CAMK2G: variants seen among roughly 807,000 people sequenced by gnomAD.
The protein encoded by CAMK2G is calcium/calmodulin dependent protein kinase II gamma.
CAMK2G carries 23 observed loss-of-function variants against 88.7 expected under a neutral mutation model. The observed-to-expected ratio is 0.26, with a 90% CI of 0.19 to 0.37. The LOEUF (loss-of-function observed/expected upper bound fraction) is 0.37. CAMK2G is among the 10% of genes least tolerant of loss of function. CAMK2G has a pLI of 1.00. For missense variants in CAMK2G, 476 were observed against 780.8 expected (o/e 0.61, Z 4.65); for synonymous variants, 263 against 294.8 (o/e 0.89, Z 1.11).
chr10:73,843,125 T>G (rs555327586), intron 10 of CAMK2G, among the ~76,000 whole-genome samples: 2 of 151,500 alleles, frequency 1.3e-5, no homozygotes, highest in East Asian at 3.9e-4. Flanking sequence ...CAGGCTGGAG[T>G]GCAGTGGTGC....
intron 2 of CAMK2G, among the ~76,000 whole-genome samples, chr10:73,867,455 T>A (rs1344484069): frequency 6.6e-6 from 1 of 152,176 alleles, no homozygotes; most frequent in Non-Finnish European, 1.5e-5. Context: ...TTGGTGACAT[T>A]TCCTTCATGG....
intron 14 of CAMK2G, among the ~76,000 whole-genome samples, chr10:73,833,909 GTTTT>G (rs778838628): frequency 3.8e-4 from 24 of 63,414 alleles, no homozygotes; most frequent in African/African-American, 1.2e-3. Flanking sequence ...TATCTACTGG[GTTTT>G]TTTTTTTTTT....
rs746089046 is a variant in CAMK2G at position 73,866,908 on chromosome 10, C to T, written c.161-6019G>A. On this transcript the variant is annotated intron_variant, in intron 2 of 22. Coordinates refer to ENST00000423381, the MANE Select transcript of CAMK2G (RefSeq NM_001367534.1). ...TGGGAATCCCAAGCCACGATCCCAC[C>T]GACCTCACCCTGACACTGTGATGCC... Among the ~76,000 whole-genome samples, 11 of 152,342 alleles carry T rather than the reference C, an allele frequency of 7.2e-5. No individual in the cohort carries two copies. The South Asian group carries it at 1.2e-3, about 17-fold the overall frequency.
intron 18 of CAMK2G, 55 bp downstream of exon 18, chr10:73,821,627 C>T: frequency 7.2e-7 from 1 of 1,389,602 alleles, no homozygotes; most frequent in Non-Finnish European, 1.0e-6. Flanking sequence ...CCCATTGGAG[C>T]CCAGGTACCT....
Position 73,828,083 on chromosome 10 carries a change from G to C in CAMK2G, c.1086+6C>G. On this transcript the variant is annotated splice_donor_region_variant and intron_variant, in intron 15 of 22. Coordinates refer to ENST00000423381, the MANE Select transcript of CAMK2G (RefSeq NM_001367534.1). ...AGTGGGCGATGGGTGGGCAGGCAAG[G>C]CTCACCATTAGGTGCACGCTGGAAC... 1 of 1,612,654 alleles carries C rather than the reference G, an allele frequency of 6.2e-7. No homozygotes were observed.
chr10:73,818,134 G>C (rs970600793), intron 19 of CAMK2G: 3 of 165,610 alleles, frequency 1.8e-5, no homozygotes, highest in Non-Finnish European at 2.7e-5. Context: ...AACTCCACAG[G>C]GCTTTTCTGG....
chr10:73,817,373 G>T, intron 20 of CAMK2G, 106 bp downstream of exon 20: 1 of 899,884 alleles, frequency 1.1e-6, no homozygotes, highest in Non-Finnish European at 1.8e-6. Flanking sequence ...CAGATACTTT[G>T]CCCAAGGTCC....
chr10:73,817,402 G>T, intron 20 of CAMK2G, 77 bp downstream of exon 20: 3 of 1,063,984 alleles, frequency 2.8e-6, no homozygotes, highest in Non-Finnish European at 2.9e-6. Context: ...TTTCCCCAGG[G>T]TCCTAATTGT....
intron 3 of CAMK2G, 23 bp downstream of exon 3, chr10:73,860,807 A>G: frequency 6.3e-7 from 1 of 1,583,972 alleles, no homozygotes; most frequent in Non-Finnish European, 8.7e-7. Flanking sequence ...TACCCACAAA[A>G]TGCTCCATGC....
chr10:73,874,323 C>CG (rs1338254666), intron 1 of CAMK2G, 74 bp downstream of exon 1: 3 of 819,866 alleles, frequency 3.7e-6, no homozygotes, highest in Non-Finnish European at 3.0e-6. Flanking sequence ...GGTGCAGGGC[C>CG]GGGGGGCGGG....
intron 20 of CAMK2G, 80 bp from the exon 21 acceptor site, chr10:73,817,197 C>T: frequency 6.5e-7 from 1 of 1,528,298 alleles, no homozygotes; most frequent in Non-Finnish European, 8.7e-7. Context: ...GGTGTCTATC[C>T]AGTAGCAGCA....
chr10:73,863,317 C>T (rs2095460347), intron 2 of CAMK2G, among the ~76,000 whole-genome samples: 1 of 152,218 alleles, frequency 6.6e-6, no homozygotes, highest in East Asian at 1.9e-4. Flanking sequence ...ACCTGGCATC[C>T]CTTGGTCCCA....
In CAMK2G at chr10:73,814,318, C is replaced by T. The variant is rs2084769326; in HGVS notation, c.*200G>A. 7.1e-6 allele frequency: 1 copy of T among 141,630 alleles called. No individual in the cohort carries two copies. Among genetic ancestry groups the T allele is most frequent in the Admixed American group, 7.1e-5 (1 of 14,096 alleles). 8.8% of individuals were successfully genotyped at this position (141,630 alleles called of 1,614,324 possible). On this transcript the variant is annotated 3_prime_UTR_variant, in exon 23 of 23. Coordinates refer to ENST00000423381, the MANE Select transcript of CAMK2G (RefSeq NM_001367534.1). ...TTTTTTTCTTAAATGTAAAAAACAC[C>T]TCGGTACAGCAGAGACAGACACGAA...
rs1289698401 is a variant in CAMK2G, at chr10:73,820,477, T to C, written c.1250-832A>G. On this transcript the variant is annotated intron_variant, in intron 18 of 22. Transcript: ENST00000423381. ...TGGGTTTTATATTTATATATATATA[T>C]ATATATATATATATATTTTTTTTTT... is the stretch of plus-strand genomic sequence containing the variant. Among the ~76,000 whole-genome samples the C allele has an allele frequency of 3.2e-4, 10 of 31,234 alleles. 1 individual carries two copies. Among genetic ancestry groups the C allele is most frequent in the East Asian group, 5.5e-4 (1 of 1,812 alleles). 20.5% of individuals were successfully genotyped at this position (31,234 alleles called of 152,430 possible).
intron 3 of CAMK2G, among the ~76,000 whole-genome samples, chr10:73,855,065 A>C (rs2094926646): frequency 6.6e-6 from 1 of 152,086 alleles, no homozygotes; most frequent in Admixed American, 6.5e-5. Flanking sequence ...TGCAGATGAC[A>C]GAGGGGGCTT....
At chr10:73,817,262 T>A in intron 20 of CAMK2G, 145 bp from the exon 21 acceptor site, 1 of 1,204,534 alleles carries the variant, frequency 8.3e-7, no homozygotes, top group South Asian at 1.6e-5. Context: ...GCCTGCCTGC[T>A]GAGCCACTCA....
In CAMK2G at chr10:73,817,469, C is replaced by G; in HGVS notation, c.1439+10G>C. The G allele has an allele frequency of 6.3e-7, 1 of 1,586,578 alleles. No individual in the cohort carries two copies. Among genetic ancestry groups the G allele is most frequent in the Admixed American group, 1.7e-5 (1 of 59,980 alleles). ...ACTTAGGTCACAAAAAAAAATGGGTCTCTACTTACGTGTAGGCCTCAAAGT... is the reference window on the plus strand; with the variant it reads ...ACTTAGGTCACAAAAAAAAATGGGTGTCTACTTACGTGTAGGCCTCAAAGT... On this transcript the variant is annotated intron_variant, in intron 20 of 22. Transcript: ENST00000423381.
intron 9 of CAMK2G, 96 bp downstream of exon 9, chr10:73,847,892 C>T (rs903005563): frequency 1.0e-4 from 78 of 745,880 alleles, no homozygotes; most frequent in Non-Finnish European, 1.6e-4. Flanking sequence ...CCCCGTATCA[C>T]GTGACACACT....
chr10:73,824,640 C>T (rs901146726), intron 16 of CAMK2G, among the ~76,000 whole-genome samples: 6 of 152,176 alleles, frequency 3.9e-5, no homozygotes, highest in South Asian at 2.1e-4. Context: ...TATGAGGGTC[C>T]GCAAGGAGGG....
Sources: gnomAD v4.1 joint callset for allele counts (sites outside exome capture counted in the v4.1 genomes callset) on GRCh38, gnomAD v4.1.1 for gene constraint, MANE v1.5 for transcripts, NCBI Gene and HGNC (gene_info 2026-07-23, HGNC 2026-07-21) for gene names.